NXPE2: variants seen among roughly 807,000 people sequenced by gnomAD.
The protein encoded by NXPE2 is neurexophilin and PC-esterase domain family member 2, also known as NXPE family member 2.
In NXPE2, 34 loss-of-function variants were observed where a neutral mutation model predicts 34.4. That is an observed-to-expected ratio of 0.99 (90% CI 0.75 to 1.31). The LOEUF is 1.31. Ranked by LOEUF, NXPE2 falls within the 40% of genes most tolerant of loss-of-function variation. The pLI is 0.00. For synonymous variants in NXPE2, 235 were observed against 231.3 expected (o/e 1.02, Z -0.15); for missense variants, 649 against 672.5 (o/e 0.97, Z 0.39).
At chr11:114,727,652 T>C in the NXPE2 span, among the ~76,000 whole-genome samples, 4 of 152,092 alleles carry the variant, frequency 2.6e-5, 1 homozygote, top group African/African-American at 9.6e-5. Context: ...TTACTCAAGT[T>C]TTGCTTTTAG....
At chr11:114,701,896 G>T (rs1307132096) in intron 3 of NXPE2, among the ~76,000 whole-genome samples, 1 of 152,150 alleles carries the variant, frequency 6.6e-6, no homozygotes, top group Non-Finnish European at 1.5e-5. Flanking sequence ...ACATACTTGG[G>T]TTCCGTGGGG....
chr11:114,779,130 T>C, the NXPE2 span, among the ~76,000 whole-genome samples: 1 of 152,246 alleles, frequency 6.6e-6, no homozygotes, highest in Non-Finnish European at 1.5e-5. Context: ...CTAATTAAAG[T>C]GGAACCTTTT....
At chr11:114,465,046 G>C in the NXPE2 span, among the ~76,000 whole-genome samples, 4 of 152,092 alleles carry the variant, frequency 2.6e-5, no homozygotes, top group Non-Finnish European at 4.4e-5. Flanking sequence ...TCATACCTGG[G>C]GTTAAGAATG....
the NXPE2 span, among the ~76,000 whole-genome samples, chr11:114,578,029 C>T: frequency 6.6e-6 from 1 of 152,184 alleles, no homozygotes; most frequent in East Asian, 1.9e-4. Flanking sequence ...AAATGAAGTT[C>T]TTCCATTTTC....
At chr11:114,639,175 G>T in the NXPE2 span, among the ~76,000 whole-genome samples, 1 of 151,932 alleles carries the variant, frequency 6.6e-6, no homozygotes, top group African/African-American at 2.4e-5. Context: ...GCAATGGTGG[G>T]CACCCCTCCC....
the NXPE2 span, among the ~76,000 whole-genome samples, chr11:114,725,969 A>AT: frequency 1.8e-3 from 86 of 48,644 alleles, 1 homozygote; most frequent in African/African-American, 4.7e-3. Context: ...AAGTATAATA[A>AT]AAAAAAAATA....
Position 114,705,866 on chromosome 11 carries a change from A to G in NXPE2, c.1014A>G (p.Thr338=). ...SGYTLKKMWI[T]AFCKQIKFNE... The stretch of plus-strand genomic sequence containing the variant: ...ATACTTTGAAAAAAATGTGGATTAC[A>G]GCATTTTGTAAACAGATCAAGTTCA... Residue 338 remains threonine (T), a synonymous_variant, in exon 5 of 6, where the codon ACA becomes ACG. Transcript: ENST00000389586. The G allele has an allele frequency of 1.9e-6, 3 of 1,545,122 alleles. No homozygotes were observed. Among genetic ancestry groups the G allele is most frequent in the Non-Finnish European group, 2.6e-6 (3 of 1,143,788 alleles).
the NXPE2 span, among the ~76,000 whole-genome samples, chr11:114,750,244 T>C: frequency 6.6e-6 from 1 of 152,162 alleles, no homozygotes; most frequent in African/African-American, 2.4e-5. Flanking sequence ...TTGAGACAAA[T>C]TTATCATATC....
the NXPE2 span, among the ~76,000 whole-genome samples, chr11:114,669,910 T>G: frequency 6.6e-6 from 1 of 151,990 alleles, no homozygotes; most frequent in African/African-American, 2.4e-5. Flanking sequence ...ATCCTGAAGG[T>G]CTGATTGCAA....
chr11:114,557,620 T>C, the NXPE2 span, among the ~76,000 whole-genome samples: 1 of 132,974 alleles, frequency 7.5e-6, no homozygotes, highest in Admixed American at 8.8e-5. Context: ...CACCACAATA[T>C]ATTATATATA....
chr11:114,469,109 C>CTTTTTTTTT, the NXPE2 span, among the ~76,000 whole-genome samples: 58 of 88,874 alleles, frequency 6.5e-4, 1 homozygote, highest in African/African-American at 7.6e-4. Flanking sequence ...ACAGTGCTAG[C>CTTTTTTTTT]TTTTTTTTTT....
At chr11:114,533,916 C>G in the NXPE2 span, among the ~76,000 whole-genome samples, 2 of 152,262 alleles carry the variant, frequency 1.3e-5, no homozygotes, top group African/African-American at 4.8e-5. Context: ...ATGTCCCTGT[C>G]TGACAGCTTT....
chr11:114,616,343 T>TAAA, the NXPE2 span, among the ~76,000 whole-genome samples: 1 of 151,112 alleles, frequency 6.6e-6, no homozygotes, highest in Non-Finnish European at 1.5e-5. Context: ...ACCTGATGGA[T>TAAA]AAGTGTTGCC....
the NXPE2 span, among the ~76,000 whole-genome samples, chr11:114,612,599 C>T: frequency 5.5e-3 from 826 of 151,128 alleles, 10 homozygotes; most frequent in Middle Eastern, 0.046. Context: ...TATTGCCTCA[C>T]GGGTAACCAG....
the NXPE2 span, among the ~76,000 whole-genome samples, chr11:114,733,237 G>T: frequency 6.6e-6 from 1 of 152,070 alleles, no homozygotes; most frequent in Non-Finnish European, 1.5e-5. Flanking sequence ...GGGACTACAG[G>T]CGCCCACCAA....
the NXPE2 span, among the ~76,000 whole-genome samples, chr11:114,644,222 C>A: frequency 1.1e-3 from 172 of 152,278 alleles, no homozygotes; most frequent in Middle Eastern, 3.4e-3. Context: ...ATGACTTCCT[C>A]TCTTCCTGTT....
chr11:114,562,074 G>A, the NXPE2 span, among the ~76,000 whole-genome samples: 1 of 152,090 alleles, frequency 6.6e-6, no homozygotes, highest in Non-Finnish European at 1.5e-5. Flanking sequence ...TGTATCAACT[G>A]TCCTTTTAAC....
chr11:114,623,275 G>T, the NXPE2 span, among the ~76,000 whole-genome samples: 2 of 152,092 alleles, frequency 1.3e-5, no homozygotes, highest in African/African-American at 2.4e-5. Flanking sequence ...TGCCTCGTGG[G>T]TGACAACTGT....
the NXPE2 span, among the ~76,000 whole-genome samples, chr11:114,768,202 T>C: frequency 6.6e-6 from 1 of 152,228 alleles, no homozygotes; most frequent in Non-Finnish European, 1.5e-5. Context: ...GTCAGGTTTG[T>C]CAAAGATCCG....
Sources: allele counts gnomAD v4.1 joint callset (sites outside exome capture counted in the v4.1 genomes callset), GRCh38; gene constraint gnomAD v4.1.1; transcripts MANE v1.5; gene names NCBI Gene and HGNC (gene_info 2026-07-23, HGNC 2026-07-21).